Variants in PADI2 observed in about 807,000 individuals in gnomAD.
PADI2 encodes the protein peptidyl arginine deiminase 2.
A neutral mutation model predicts 81.1 loss-of-function variants in PADI2; 70 were observed. The ratio of observed to expected loss-of-function variants is 0.86; its 90% CI spans 0.71 to 1.05. The LOEUF (loss-of-function observed/expected upper bound fraction) is 1.05, where lower values mean the gene tolerates loss of function less well. Ranked by LOEUF, PADI2 falls within the 50% of genes least tolerant of loss-of-function variation. The pLI is 0.00. For missense variants in PADI2, 853 were observed against 889.9 expected, an observed-to-expected ratio of 0.96 and a Z score of 0.53; for synonymous variants, 338 against 358.0, an observed-to-expected ratio of 0.94 and a Z score of 0.63.
At chr1:17,069,688 T>C (rs1388336973) in intron 15 of PADI2, among the ~76,000 whole-genome samples, 1 of 152,212 alleles carries the variant, frequency 6.6e-6, no homozygotes, top group Non-Finnish European at 1.5e-5. Flanking sequence ...TATATATGTG[T>C]CCATGCATGC....
At chr1:17,106,240 C>G (rs1441524144) in intron 1 of PADI2, among the ~76,000 whole-genome samples, 5 of 152,106 alleles carry the variant, frequency 3.3e-5, no homozygotes, top group African/African-American at 1.2e-4. Flanking sequence ...TTTTGGAATT[C>G]TTGAATTCCG....
At chr1:17,103,335 G>A (rs1308151655) in intron 2 of PADI2, among the ~76,000 whole-genome samples, 2 of 152,150 alleles carry the variant, frequency 1.3e-5, no homozygotes, top group African/African-American at 2.4e-5. Context: ...GCTGCCTGGG[G>A]TCCCCCATAT....
At chr1:17,117,944 C>G (rs1489345480) in intron 1 of PADI2, among the ~76,000 whole-genome samples, 2 of 152,210 alleles carry the variant, frequency 1.3e-5, no homozygotes, top group African/African-American at 4.8e-5. Flanking sequence ...CAGTCCACCT[C>G]TGAGGTTTAC....
intron 11 of PADI2, among the ~76,000 whole-genome samples, chr1:17,078,336 C>T (rs2078319886): frequency 6.6e-6 from 1 of 152,130 alleles, no homozygotes; most frequent in African/African-American, 2.4e-5. Context: ...GTCTCAAACT[C>T]CCGACCTCAG....
chr1:17,093,555 G>A lies in PADI2; in HGVS notation c.529+12C>T, dbSNP rs1390693331. 4.4e-5 allele frequency: 68 copies of A among 1,529,408 alleles called. No homozygotes were observed. The highest frequency in any genetic ancestry group is 5.8e-5 in the Non-Finnish European group (64 of 1,103,658). The allele number at this position is 1,529,408 out of a possible 1,614,324, so 94.7% of individuals were successfully genotyped here. A position where few individuals can be genotyped will look rare whatever the true frequency, so the allele number is the denominator to read the frequency against. On this transcript the variant is annotated intron_variant, in intron 5 of 15. Coordinates refer to ENST00000375486, the MANE Select transcript of PADI2 (RefSeq NM_007365.3). ...TCTCATCCTGCCCCCCAAGTGCAGG[G>A]CCTGCTGGCACCTTCCTTGCTGTAG...
At chr1:17,117,250 G>C (rs929820733) in intron 1 of PADI2, among the ~76,000 whole-genome samples, 19 of 152,062 alleles carry the variant, frequency 1.2e-4, no homozygotes, top group Admixed American at 1.2e-3. Flanking sequence ...GGATTACAAA[G>C]ACTTAGCATG....
intron 13 of PADI2, among the ~76,000 whole-genome samples, 153 bp from the exon 14 acceptor site, chr1:17,071,644 A>G (rs2078265363): frequency 6.6e-6 from 1 of 152,170 alleles, no homozygotes; most frequent in Non-Finnish European, 1.5e-5. Flanking sequence ...GGGCACTCCC[A>G]GGCAAAATCA....
chr1:17,107,006 G>C (rs116040943), intron 1 of PADI2, among the ~76,000 whole-genome samples: 1 of 152,142 alleles, frequency 6.6e-6, no homozygotes, highest in African/African-American at 2.4e-5. Context: ...CCTGTCCATG[G>C]TGTTTTGTTG....
Position 17,084,687 on chromosome 1 carries a change from G to A in PADI2, c.850C>T (p.Pro284Ser), listed in dbSNP as rs772750414. The A allele has an allele frequency of 6.4e-7, 1 of 1,557,184 alleles. No homozygotes were observed. The highest frequency in any genetic ancestry group is 1.4e-5 in the African/African-American group (1 of 73,296). The change falls in exon 8 of 16, where the codon CCC (proline) becomes TCC (serine). Residue 284 changes from proline to serine, a missense_variant. Transcript: ENST00000375486. ...AATATCACGGTGTCCGTGAAGATGG[G>A]AGTCAGGGGAATGTCCTGGGTGTGG... is the stretch of plus-strand genomic sequence containing the variant. ...EYMAQDIPLTPIFTDTVIFRI... is the reference protein window; with the variant it reads ...EYMAQDIPLTSIFTDTVIFRI...
intron 6 of PADI2, among the ~76,000 whole-genome samples, chr1:17,090,238 C>T (rs1247076308): frequency 6.6e-6 from 1 of 152,256 alleles, no homozygotes; most frequent in Non-Finnish European, 1.5e-5. Context: ...CACTCAGTGC[C>T]TGACACACCT....
chr1:17,100,702 C>A (rs777542424), intron 3 of PADI2, among the ~76,000 whole-genome samples: 4 of 149,178 alleles, frequency 2.7e-5, no homozygotes, highest in Non-Finnish European at 5.9e-5. Flanking sequence ...CGCTCTGTCG[C>A]CCAGGCTGGA....
At chr1:17,087,629 T>A (rs1339364249) in intron 6 of PADI2, among the ~76,000 whole-genome samples, 1 of 152,084 alleles carries the variant, frequency 6.6e-6, no homozygotes, top group Non-Finnish European at 1.5e-5. Context: ...GCCTCCCAAG[T>A]AGCTGGGATT....
At chr1:17,074,653 C>T (rs779654033) in intron 13 of PADI2, among the ~76,000 whole-genome samples, 22 of 152,236 alleles carry the variant, frequency 1.4e-4, no homozygotes, top group South Asian at 6.2e-4. Flanking sequence ...GGGCAGCTCA[C>T]AGTCCACCCA....
chr1:17,094,567 G>A (rs930852448), intron 4 of PADI2, among the ~76,000 whole-genome samples: 1 of 152,190 alleles, frequency 6.6e-6, no homozygotes, highest in African/African-American at 2.4e-5. Flanking sequence ...ACAGCTATCC[G>A]AAACACTCCA....
chr1:17,071,306 G>A (rs895739899), intron 14 of PADI2, 100 bp downstream of exon 14: 105 of 829,578 alleles, frequency 1.3e-4, no homozygotes, highest in Non-Finnish European at 2.0e-4. Context: ...AGGAGCTCCT[G>A]AGCCCTTGGC....
intron 10 of PADI2, among the ~76,000 whole-genome samples, chr1:17,080,647 C>G (rs1250794938): frequency 6.6e-6 from 1 of 152,218 alleles, no homozygotes; most frequent in Non-Finnish European, 1.5e-5. Flanking sequence ...GCCAGACTTG[C>G]CACTGAGCCC....
intron 1 of PADI2, among the ~76,000 whole-genome samples, chr1:17,116,596 C>T (rs1416774493): frequency 2.0e-5 from 3 of 152,112 alleles, no homozygotes; most frequent in African/African-American, 7.2e-5. Flanking sequence ...AGAGGGCCGT[C>T]CAGTTCAACC....
intron 7 of PADI2, among the ~76,000 whole-genome samples, chr1:17,086,073 G>A (rs1349660980): frequency 6.6e-6 from 1 of 152,194 alleles, no homozygotes; most frequent in Admixed American, 6.5e-5. Context: ...TGGGATTTGG[G>A]GTTCAGCCTG....
At chr1:17,090,362 C>A (rs1930644105) in intron 6 of PADI2, among the ~76,000 whole-genome samples, 1 of 152,156 alleles carries the variant, frequency 6.6e-6, no homozygotes, top group Non-Finnish European at 1.5e-5. Context: ...AGAAGACTTG[C>A]CTGGACCCAG....
Sources: allele counts gnomAD v4.1 joint callset (sites outside exome capture counted in the v4.1 genomes callset), GRCh38; gene constraint gnomAD v4.1.1; transcripts MANE v1.5; gene names NCBI Gene and HGNC (gene_info 2026-07-23, HGNC 2026-07-21).